Variants in A2M observed in about 807,000 individuals in gnomAD.
The protein encoded by A2M is C3 and PZP-like alpha-2-macroglobulin domain-containing protein 5.
A2M carries 128 observed loss-of-function variants against 183.9 expected under a neutral mutation model. That is an observed-to-expected ratio of 0.70 (90% confidence interval 0.60 to 0.81). A2M has a LOEUF of 0.81. Ranked by LOEUF, A2M falls within the 30% of genes least tolerant of loss-of-function variation. The pLI is 0.00. For missense variants in A2M, 1,495 were observed against 1,787.6 expected (o/e 0.84, Z 2.95); for synonymous variants, 592 against 670.8 (o/e 0.88, Z 1.81).
intron 17 of A2M, among the ~76,000 whole-genome samples, chr12:9,094,340 C>CTT (rs770456046): frequency 1.0e-5 from 1 of 97,018 alleles, no homozygotes; most frequent in Non-Finnish European, 2.0e-5. Context: ...AAAAATTGTG[C>CTT]ATATATATAT....
intron 18 of A2M, among the ~76,000 whole-genome samples, chr12:9,093,204 A>G (rs2137808919): frequency 6.6e-6 from 1 of 152,308 alleles, no homozygotes; most frequent in South Asian, 2.1e-4. Flanking sequence ...ACTGTATTGG[A>G]TACTGAAACT....
At chr12:9,104,094 A>G in intron 11 of A2M, 145 bp downstream of exon 11, 1 of 819,440 alleles carries the variant, frequency 1.2e-6, no homozygotes, top group Non-Finnish European at 1.8e-6. Context: ...ATAAACTTTA[A>G]AAAAGTTAAC....
intron 15 of A2M, among the ~76,000 whole-genome samples, chr12:9,096,788 G>A (rs1422485650): frequency 6.6e-6 from 1 of 152,120 alleles, no homozygotes; most frequent in African/African-American, 2.4e-5. Context: ...GTGGCATATT[G>A]CATAATTATT....
chr12:9,073,020 A>G, intron 29 of A2M, 149 bp from the exon 30 acceptor site: 2 of 631,280 alleles, frequency 3.2e-6, no homozygotes. Flanking sequence ...ATTGATTATA[A>G]TCTTTAGATA....
chr12:9,070,437 T>C, intron 32 of A2M, 51 bp downstream of exon 32: 1 of 1,197,948 alleles, frequency 8.3e-7, no homozygotes, highest in Admixed American at 1.8e-5. Context: ...ATGCTGGGGA[T>C]ACATACATCA....
chr12:9,097,196 G>A (rs1279569694), intron 15 of A2M, among the ~76,000 whole-genome samples: 2 of 152,100 alleles, frequency 1.3e-5, no homozygotes, highest in Non-Finnish European at 2.9e-5. Flanking sequence ...AGATCCTACT[G>A]TTGAAATGTA....
chr12:9,083,397 G>A (rs938980751), intron 22 of A2M, among the ~76,000 whole-genome samples: 21 of 150,468 alleles, frequency 1.4e-4, no homozygotes, highest in Admixed American at 4.6e-4. Context: ...AAAAAAAAAA[G>A]AAATAGAAAC....
In A2M at chr12:9,115,912, C is replaced by A. The variant is rs186546405; in HGVS notation, c.-63G>T. ...TTGTACCCTACTCCCTACAATCCATCTGGTCCCAAACACTTCCCAAAGCAA... is the reference window on the plus strand; with the variant it reads ...TTGTACCCTACTCCCTACAATCCATATGGTCCCAAACACTTCCCAAAGCAA... On this transcript the variant is annotated 5_prime_UTR_variant, in exon 1 of 36. Transcript: ENST00000318602. The A allele has an allele frequency of 4.5e-4, 635 of 1,409,820 alleles. 2 individuals are homozygous for A. The African/African-American group carries it at 7.8e-3, about 17-fold the overall frequency. The allele number at this position is 1,409,820 out of a possible 1,614,324, so 87.3% of individuals were successfully genotyped here.
At chr12:9,097,866 C>G (rs1265404626) in intron 15 of A2M, among the ~76,000 whole-genome samples, 1 of 152,180 alleles carries the variant, frequency 6.6e-6, no homozygotes, top group East Asian at 1.9e-4. Context: ...CTCCTGATCT[C>G]AAGTTATCTG....
chr12:9,082,976 T>C (rs1029551648), intron 22 of A2M, among the ~76,000 whole-genome samples: 1 of 152,194 alleles, frequency 6.6e-6, no homozygotes, highest in African/African-American at 2.4e-5. Context: ...TAGTTCTAGA[T>C]CCCTGAGGAA....
At chr12:9,085,141 G>T (rs764706445) in intron 22 of A2M, among the ~76,000 whole-genome samples, 1 of 152,112 alleles carries the variant, frequency 6.6e-6, no homozygotes, top group East Asian at 1.9e-4. Flanking sequence ...AAATTAATAA[G>T]AAAACGTTGA....
intron 28 of A2M, among the ~76,000 whole-genome samples, chr12:9,075,941 A>G (rs1486698661): frequency 2.6e-5 from 4 of 152,202 alleles, no homozygotes; most frequent in East Asian, 3.8e-4. Flanking sequence ...TTCTCAATAC[A>G]TTTTAAGAAG....
chr12:9,096,374 G>A (rs1484424259), intron 15 of A2M, among the ~76,000 whole-genome samples: 10 of 152,194 alleles, frequency 6.6e-5, no homozygotes, highest in Admixed American at 6.5e-4. Context: ...GCTTTGAGAT[G>A]ATAGAAGGAA....
In A2M at chr12:9,107,585, C is replaced by T. The variant is rs780663930; in HGVS notation, c.818G>A (p.Ser273Asn). 1 of 1,614,016 alleles carries T rather than the reference C, an allele frequency of 6.2e-7. No individual in the cohort carries two copies. The highest frequency in any genetic ancestry group is 8.5e-7 in the Non-Finnish European group (1 of 1,179,880). Reference protein sequence around the residue: ...HVTVSICRKYSDASDCHGEDS... With the variant: ...HVTVSICRKYNDASDCHGEDS... ...TTCACCGTGGCAGTCGGAAGCGTCA[C>T]TATACTTTCTGCAAATGCTCACAGT... The change falls in exon 8 of 36, where the codon AGT (serine) becomes AAT (asparagine). Residue 273 changes from serine (S) to asparagine (N), a missense_variant. Coordinates refer to ENST00000318602, the MANE Select transcript of A2M (RefSeq NM_000014.6).
intron 15 of A2M, among the ~76,000 whole-genome samples, chr12:9,096,956 G>T (rs1284907337): frequency 6.6e-6 from 1 of 152,160 alleles, no homozygotes; most frequent in Admixed American, 6.5e-5. Context: ...TACACTAGTA[G>T]CAGCAAAGTG....
intron 11 of A2M, among the ~76,000 whole-genome samples, chr12:9,103,468 T>C (rs1216820146): frequency 1.3e-5 from 2 of 152,190 alleles, no homozygotes; most frequent in Non-Finnish European, 2.9e-5. Context: ...TTCTTTAGTG[T>C]ACAGTTTGGT....
At chr12:9,102,479 G>A (rs762566971) in intron 11 of A2M, among the ~76,000 whole-genome samples, 1 of 152,286 alleles carries the variant, frequency 6.6e-6, no homozygotes, top group African/African-American at 2.4e-5. Flanking sequence ...GCCTCCCAAA[G>A]TGCTGGGATT....
chr12:9,077,492 CTG>C, intron 26 of A2M, 72 bp from the exon 27 acceptor site: 1 of 1,504,566 alleles, frequency 6.6e-7, no homozygotes, highest in Admixed American at 1.9e-5. Context: ...TTCTATTCTG[CTG>C]TGTCATGGAA....
chr12:9,087,041 T>G (rs1949071777), intron 22 of A2M, among the ~76,000 whole-genome samples: 1 of 152,086 alleles, frequency 6.6e-6, no homozygotes, highest in East Asian at 1.9e-4. Flanking sequence ...ACAATAGCTA[T>G]AAACAATATG....
Sources: allele counts gnomAD v4.1 joint callset (sites outside exome capture counted in the v4.1 genomes callset), GRCh38; gene constraint gnomAD v4.1.1; transcripts MANE v1.5; gene names NCBI Gene and HGNC (gene_info 2026-07-23, HGNC 2026-07-21).